WWP1: variants seen among roughly 807,000 people sequenced by gnomAD.
The protein encoded by WWP1 is WW domain containing E3 ubiquitin protein ligase 1, also known as NEDD4-like E3 ubiquitin-protein ligase WWP1.
In WWP1, 49 loss-of-function variants were observed where a neutral mutation model predicts 130.6. That is an observed-to-expected ratio of 0.38 (90% CI 0.30 to 0.48). The LOEUF is 0.48. WWP1 is among the 20% of genes least tolerant of loss of function. The pLI is 0.99. For missense variants in WWP1, 809 were observed against 1,100.6 expected (o/e 0.74, Z 3.75); for synonymous variants, 332 against 367.8 (o/e 0.90, Z 1.11).
At chr8:86,431,858 T>A in intron 14 of WWP1, 115 bp downstream of exon 14, 1 of 1,374,054 alleles carries the variant, frequency 7.3e-7, no homozygotes, top group Non-Finnish European at 1.0e-6. Context: ...CAAGAAAACC[T>A]ACACAAGTGA....
At chr8:86,421,669 A>G (rs1809216721) in intron 9 of WWP1, among the ~76,000 whole-genome samples, 1 of 151,926 alleles carries the variant, frequency 6.6e-6, no homozygotes, top group Non-Finnish European at 1.5e-5. Flanking sequence ...CTAAAAATAC[A>G]AAAAATTAGC....
At position 86,431,746 on chromosome 8, in the gene WWP1, G is replaced by A; in HGVS notation, c.1601+3G>A. The A allele has an allele frequency of 6.2e-7, 1 of 1,613,492 alleles. No individual in the cohort carries two copies. Among genetic ancestry groups the A allele is most frequent in the South Asian group, 1.1e-5 (1 of 90,860 alleles). ...CCTCGCAATGGGAAGTCATCTGTGT[G>A]AGTGAAAACCTGAAGTTCTCCTTTA... On this transcript the variant is annotated splice_donor_region_variant and intron_variant, in intron 14 of 24. Transcript: ENST00000517970.
intron 11 of WWP1, among the ~76,000 whole-genome samples, chr8:86,430,486 A>G (rs1809877581): frequency 6.6e-6 from 1 of 151,904 alleles, no homozygotes; most frequent in South Asian, 2.1e-4. Context: ...AGGATCTTCC[A>G]GGCTGGTCTT....
chr8:86,342,624 T>A lies in WWP1; in HGVS notation c.-421T>A, dbSNP rs1271026254. On this transcript the variant is annotated 5_prime_UTR_variant, in exon 1 of 25. Transcript: ENST00000517970. Reference sequence around the variant, plus strand: ...CCGGGGCCGGCGGGGAGGCGCGCGCTTAGGGCGCGGCGCCGGCGACGCGGC... The same window carrying A: ...CCGGGGCCGGCGGGGAGGCGCGCGCATAGGGCGCGGCGCCGGCGACGCGGC... 5.0e-6 allele frequency: 1 copy of A among 199,784 alleles called. No homozygotes were observed. 12.4% of individuals were successfully genotyped at this position (199,784 alleles called of 1,614,324 possible). A position where few individuals can be genotyped will look rare whatever the true frequency, so the allele number is the denominator to read the frequency against.
chr8:86,458,239 CAG>C (rs1371691581), intron 22 of WWP1, among the ~76,000 whole-genome samples: 9 of 152,100 alleles, frequency 5.9e-5, no homozygotes, highest in Admixed American at 5.9e-4. Context: ...AGTTGAGTGA[CAG>C]AATCTTATTT....
intron 11 of WWP1, among the ~76,000 whole-genome samples, chr8:86,428,641 C>T (rs1442546306): frequency 3.9e-5 from 6 of 152,100 alleles, no homozygotes; most frequent in Non-Finnish European, 8.8e-5. Flanking sequence ...GCAGGTTGAC[C>T]TACTCTCCTG....
At chr8:86,350,741 A>G (rs1177883322) in intron 1 of WWP1, among the ~76,000 whole-genome samples, 1 of 152,180 alleles carries the variant, frequency 6.6e-6, no homozygotes, top group Admixed American at 6.5e-5. Context: ...AGTTCTTTTG[A>G]TAGCTGTTCA....
chr8:86,462,917 T>C (rs1273199161), intron 24 of WWP1, among the ~76,000 whole-genome samples: 1 of 152,168 alleles, frequency 6.6e-6, no homozygotes, highest in Admixed American at 6.5e-5. Context: ...TCGTTGAAGT[T>C]CTTTATGAAG....
chr8:86,428,759 G>T (rs1213238522), intron 11 of WWP1, among the ~76,000 whole-genome samples: 1 of 151,962 alleles, frequency 6.6e-6, no homozygotes, highest in Non-Finnish European at 1.5e-5. Context: ...CTGTGGTAAG[G>T]TTCCATAATT....
intron 24 of WWP1, 84 bp downstream of exon 24, chr8:86,461,930 A>G: frequency 2.8e-6 from 3 of 1,072,564 alleles, no homozygotes; most frequent in South Asian, 2.7e-5. Context: ...AAGATCCAGT[A>G]TAACTGCTTA....
At chr8:86,366,102 A>G (rs77402674) in intron 1 of WWP1, among the ~76,000 whole-genome samples, 1,544 of 152,338 alleles carry the variant, frequency 0.01, 23 homozygotes, top group African/African-American at 0.035. Flanking sequence ...CAGTGAAGGG[A>G]TGCCGGAGAG....
chr8:86,350,134 T>G (rs1319137236), intron 1 of WWP1, among the ~76,000 whole-genome samples: 2 of 152,216 alleles, frequency 1.3e-5, no homozygotes, highest in Non-Finnish European at 2.9e-5. Context: ...TCCTCTCTTA[T>G]GGAAATACAA....
chr8:86,458,931 G>A (rs1442465646), intron 22 of WWP1, among the ~76,000 whole-genome samples: 1 of 151,226 alleles, frequency 6.6e-6, no homozygotes, highest in African/African-American at 2.4e-5. Context: ...CAACCTAAAT[G>A]TCCATCAGGA....
intron 5 of WWP1, among the ~76,000 whole-genome samples, chr8:86,394,602 C>G (rs560900718): frequency 1.1e-4 from 16 of 152,152 alleles, no homozygotes; most frequent in Non-Finnish European, 2.2e-4. Flanking sequence ...AAGGTTTGTC[C>G]TGCTTCTTCC....
chr8:86,390,388 A>G (rs540965663), intron 5 of WWP1, among the ~76,000 whole-genome samples: 1 of 152,074 alleles, frequency 6.6e-6, no homozygotes, highest in African/African-American at 2.4e-5. Flanking sequence ...ACGCCACTGC[A>G]CTCCAGCCTG....
chr8:86,423,675 C>A (rs983944694), intron 9 of WWP1, among the ~76,000 whole-genome samples: 144 of 152,274 alleles, frequency 9.5e-4, no homozygotes, highest in African/African-American at 3.1e-3. Context: ...CCCCACATTT[C>A]CCCCTTTTCT....
In WWP1 at chr8:86,435,616, A is replaced by G. The variant is rs756966363; in HGVS notation, c.1678-17A>G. 1.4e-5 allele frequency: 22 copies of G among 1,612,524 alleles called. No homozygotes were observed. The highest frequency in any genetic ancestry group is 8.5e-7 in the Non-Finnish European group (1 of 1,179,098). ...ACTATAACTCAGATGATATTATGAT[A>G]TTATTTTTGTTTTTAGTCTAATGCA... On this transcript the variant is annotated splice_polypyrimidine_tract_variant and intron_variant, in intron 15 of 24. Transcript: ENST00000517970.
intron 24 of WWP1, among the ~76,000 whole-genome samples, chr8:86,463,631 A>AT (rs145349940): frequency 0.15 from 22,295 of 150,924 alleles, 1,787 homozygotes; most frequent in Non-Finnish European, 0.19. Flanking sequence ...AGCAAATGTG[A>AT]TTTTTTTTTC....
At chr8:86,439,235 C>T (rs750135751) in intron 17 of WWP1, among the ~76,000 whole-genome samples, 3 of 149,408 alleles carry the variant, frequency 2.0e-5, no homozygotes, top group African/African-American at 4.9e-5. Context: ...TCCAGCTACT[C>T]GGGAGGGTAA....
Sources: allele counts gnomAD v4.1 joint callset (sites outside exome capture counted in the v4.1 genomes callset), GRCh38; gene constraint gnomAD v4.1.1; transcripts MANE v1.5; gene names NCBI Gene and HGNC (gene_info 2026-07-23, HGNC 2026-07-21).